CLEC16A: variants seen among roughly 807,000 people sequenced by gnomAD.
CLEC16A encodes the protein C-type lectin domain containing 16A, also known as protein CLEC16A.
A neutral mutation model predicts 109.5 loss-of-function variants in CLEC16A; 51 were observed. The ratio of observed to expected loss-of-function variants is 0.47; its 90% CI spans 0.37 to 0.59. The LOEUF (loss-of-function observed/expected upper bound fraction) is 0.59, where lower values mean the gene tolerates loss of function less well. CLEC16A is among the 20% of genes least tolerant of loss of function. The probability of loss-of-function intolerance (pLI) is 0.00; values close to 1 mark genes in which losing one functional copy is unlikely to be tolerated. For synonymous variants in CLEC16A, 673 were observed against 564.2 expected, an observed-to-expected ratio of 1.19 and a Z score of -2.73; for missense variants, 1,339 against 1,394.0, an observed-to-expected ratio of 0.96 and a Z score of 0.63.
chr16:10,966,436 C>G (rs1374764905), intron 3 of CLEC16A, among the ~76,000 whole-genome samples: 1 of 152,170 alleles, frequency 6.6e-6, no homozygotes, highest in Non-Finnish European at 1.5e-5. Context: ...ATGAGGAAGT[C>G]TTCTGGAGAG....
At chr16:11,021,240 A>C (rs2046081909) in intron 12 of CLEC16A, among the ~76,000 whole-genome samples, 1 of 152,204 alleles carries the variant, frequency 6.6e-6, no homozygotes. Context: ...TCAATGACTT[A>C]ACAGATGGGA....
Position 11,053,048 on chromosome 16 carries a change from A to C in CLEC16A, c.1995+1407A>C, listed in dbSNP as rs2047443387. ...TGGAACTACAGGCACAAGCTACCAC[A>C]CCTAGCTAATTTTTAGATGTTTTAT... On this transcript the variant is annotated intron_variant, in intron 18 of 23. Transcript: ENST00000409790. 2.0e-5 allele frequency among the ~76,000 whole-genome samples: 3 copies of C among 151,918 alleles called. No individual in the cohort carries two copies. In the South Asian group the frequency reaches 6.2e-4, roughly 32 times the overall value.
At position 10,962,467 on chromosome 16, in the gene CLEC16A, G is replaced by A. The variant is rs768043454; in HGVS notation, c.222G>A (p.Glu74=). 6.2e-6 allele frequency: 10 copies of A among 1,613,972 alleles called. No homozygotes were observed. The highest frequency in any genetic ancestry group is 2.2e-5 in the South Asian group (2 of 91,082). Residue 74 remains glutamate, a synonymous_variant, in exon 3 of 24, where the codon GAG becomes GAA. Transcript: ENST00000409790. The stretch of plus-strand genomic sequence containing the variant: ...ATTCTCTCCCCAGCTTCTTCCTGGA[G>A]AAGAATATGTTTGTTTTCTTCTTGA... The part of the protein sequence containing the change: ...NDSSVFDFFL[E]KNMFVFFLNI...
intron 23 of CLEC16A, among the ~76,000 whole-genome samples, chr16:11,173,864 G>A (rs559325575): frequency 6.6e-6 from 1 of 152,228 alleles, no homozygotes; most frequent in African/African-American, 2.4e-5. Context: ...CTTTCCAACA[G>A]GACTCCACCT....
At chr16:10,989,395 T>G (rs2043864928) in intron 10 of CLEC16A, among the ~76,000 whole-genome samples, 1 of 151,940 alleles carries the variant, frequency 6.6e-6, no homozygotes, top group African/African-American at 2.4e-5. Flanking sequence ...TAACTTTTGT[T>G]TTTTTTTGTT....
At chr16:11,104,422 C>G (rs534970455) in intron 19 of CLEC16A, among the ~76,000 whole-genome samples, 1 of 152,284 alleles carries the variant, frequency 6.6e-6, no homozygotes, top group South Asian at 2.1e-4. Context: ...CCACCACACC[C>G]AGCATATCCC....
chr16:11,044,628 G>C lies in CLEC16A; in HGVS notation c.1815+556G>C, dbSNP rs1282812503. Among the ~76,000 whole-genome samples, 3 of 152,102 alleles carry C rather than the reference G, an allele frequency of 2.0e-5. No homozygotes were observed. The South Asian group carries it at 6.2e-4, about 32-fold the overall frequency. ...GAGCTTTGTCTTCAGGTTCCAGATG[G>C]TTTTATAAATATCTAATTGCCGCCA... On this transcript the variant is annotated intron_variant, in intron 16 of 23. Coordinates refer to ENST00000409790, the MANE Select transcript of CLEC16A (RefSeq NM_015226.3).
chr16:11,079,177 G>A (rs1298804002), intron 19 of CLEC16A, among the ~76,000 whole-genome samples: 1 of 152,204 alleles, frequency 6.6e-6, no homozygotes, highest in African/African-American at 2.4e-5. Context: ...TTCCCTTGCA[G>A]AACTTGAAAC....
intron 12 of CLEC16A, 178 bp from the exon 13 acceptor site, chr16:11,024,643 G>C (rs1861548): frequency 0.44 from 235,289 of 539,440 alleles, 53,768 homozygotes; most frequent in African/African-American, 0.67. Context: ...AGCGGCTTCC[G>C]CAGGCAGAGC....
At chr16:11,144,769 G>A (rs1172285671) in intron 22 of CLEC16A, among the ~76,000 whole-genome samples, 3 of 152,228 alleles carry the variant, frequency 2.0e-5, no homozygotes, top group African/African-American at 4.8e-5. Flanking sequence ...TGGCTCTAGC[G>A]TGCTTGGGGT....
intron 23 of CLEC16A, among the ~76,000 whole-genome samples, chr16:11,175,508 G>A: frequency 6.6e-6 from 1 of 152,128 alleles, no homozygotes; most frequent in East Asian, 1.9e-4. Flanking sequence ...GTCCTCACTG[G>A]GTAATTTTCC....
At chr16:11,113,032 A>C (rs2051706837) in intron 19 of CLEC16A, among the ~76,000 whole-genome samples, 1 of 152,218 alleles carries the variant, frequency 6.6e-6, no homozygotes, top group Admixed American at 6.5e-5. Flanking sequence ...CAGACTGTGC[A>C]CGTGCACATG....
intron 10 of CLEC16A, among the ~76,000 whole-genome samples, chr16:10,994,962 C>G (rs1021489177): frequency 1.3e-5 from 2 of 152,208 alleles, no homozygotes; most frequent in African/African-American, 4.8e-5. Context: ...TGCACCTGGG[C>G]ACTGGGGCTA....
chr16:11,083,994 T>C lies in CLEC16A; in HGVS notation c.2116+22972T>C, dbSNP rs111658043. Among the ~76,000 whole-genome samples the C allele has an allele frequency of 2.6e-3, 393 of 152,274 alleles. 1 individual carries two copies. Among genetic ancestry groups the C allele is most frequent in the African/African-American group, 8.9e-3 (368 of 41,558 alleles). On this transcript the variant is annotated intron_variant, in intron 19 of 23. Transcript: ENST00000409790. ...CTGTCCCAGCCCCCCATTGCTGGTTTTCTCTCCACCAGCAGAGTCCAAGCC... is the reference window on the plus strand; with the variant it reads ...CTGTCCCAGCCCCCCATTGCTGGTTCTCTCTCCACCAGCAGAGTCCAAGCC...
chr16:11,167,224 T>C lies in CLEC16A; in HGVS notation c.2806+672T>C, dbSNP rs115658532. ...CAGACACCAGGCCTCTGGCACAACATGGCCCCAAATTGTAGCCAGAGGAGC... is the reference window on the plus strand; with the variant it reads ...CAGACACCAGGCCTCTGGCACAACACGGCCCCAAATTGTAGCCAGAGGAGC... On this transcript the variant is annotated intron_variant, in intron 23 of 23. Coordinates refer to ENST00000409790, the MANE Select transcript of CLEC16A (RefSeq NM_015226.3). Among the ~76,000 whole-genome samples the C allele has an allele frequency of 6.8e-3, 1,041 of 152,232 alleles. 11 individuals carry two copies. Among genetic ancestry groups the C allele is most frequent in the African/African-American group, 0.024 (984 of 41,536 alleles).
At chr16:11,026,745 T>G (rs2046428428) in intron 13 of CLEC16A, among the ~76,000 whole-genome samples, 1 of 152,012 alleles carries the variant, frequency 6.6e-6, no homozygotes, top group Admixed American at 6.6e-5. Flanking sequence ...GGAAGCACTT[T>G]ATTGTCCACA....
intron 22 of CLEC16A, among the ~76,000 whole-genome samples, chr16:11,151,986 A>G (rs2054308256): frequency 6.6e-6 from 1 of 152,196 alleles, no homozygotes; most frequent in Non-Finnish European, 1.5e-5. Flanking sequence ...GGAATCTCTC[A>G]GAGAACCAGG....
chr16:10,967,487 A>G (rs1158731869), intron 3 of CLEC16A, among the ~76,000 whole-genome samples: 1 of 151,850 alleles, frequency 6.6e-6, no homozygotes, highest in Non-Finnish European at 1.5e-5. Context: ...GCAGCCTTGA[A>G]CTCCTGGCCT....
intron 16 of CLEC16A, among the ~76,000 whole-genome samples, chr16:11,045,210 T>C (rs1016766967): frequency 1.8e-4 from 27 of 151,910 alleles, no homozygotes; most frequent in Admixed American, 3.3e-4. Context: ...TAGCCTGGCA[T>C]GGTGGCAGGC....
Sources: gnomAD v4.1 joint callset for allele counts (sites outside exome capture counted in the v4.1 genomes callset) on GRCh38, gnomAD v4.1.1 for gene constraint, MANE v1.5 for transcripts, NCBI Gene and HGNC (gene_info 2026-07-23, HGNC 2026-07-21) for gene names.